The following ENPP2 variants were observed in gnomAD, a reference collection of about 807,000 sequenced individuals.
ENPP2 encodes the protein autotaxin.
In ENPP2, 51 loss-of-function variants were observed where a neutral mutation model predicts 120.2. That is an observed-to-expected ratio of 0.42 (90% CI 0.34 to 0.54). The LOEUF (loss-of-function observed/expected upper bound fraction) is 0.54, where lower values mean the gene tolerates loss of function less well. Ranked by LOEUF, ENPP2 falls within the 20% of genes least tolerant of loss-of-function variation. The pLI, the probability that ENPP2 is intolerant of heterozygous loss-of-function variation, is 0.04. For synonymous variants in ENPP2, 365 were observed against 366.4 expected, an observed-to-expected ratio of 1.00 and a Z score of 0.04; for missense variants, 920 against 1,066.5, an observed-to-expected ratio of 0.86 and a Z score of 1.91.
intron 1 of ENPP2, among the ~76,000 whole-genome samples, chr8:119,644,082 A>G (rs982408787): frequency 1.1e-4 from 17 of 152,104 alleles, no homozygotes; most frequent in African/African-American, 3.6e-4. Flanking sequence ...GGGGCCTCCG[A>G]GGTCATGTTA....
intron 18 of ENPP2, chr8:119,580,742 A>C (rs1812675467): frequency 6.5e-6 from 1 of 152,692 alleles, no homozygotes; most frequent in Admixed American, 6.5e-5. Flanking sequence ...AAATGGAAAA[A>C]AATTCTTATG....
intron 4 of ENPP2, 141 bp downstream of exon 4, chr8:119,621,253 G>T: frequency 1.5e-6 from 1 of 666,526 alleles, no homozygotes. Flanking sequence ...TAATGAAGAA[G>T]CATGAGAAAT....
chr8:119,642,852 G>T (rs1446622448), upstream of ENPP2, among the ~76,000 whole-genome samples: 1 of 152,162 alleles, frequency 6.6e-6, no homozygotes, highest in Non-Finnish European at 1.5e-5. Context: ...CCCTGATGAA[G>T]ATAAGAAGGC....
At chr8:119,590,912 G>A (rs1266963005) in intron 12 of ENPP2, among the ~76,000 whole-genome samples, 1 of 138,364 alleles carries the variant, frequency 7.2e-6, no homozygotes, top group Non-Finnish European at 1.5e-5. Flanking sequence ...AGAATAGCAA[G>A]ACAAAGGAAG....
intron 17 of ENPP2, 58 bp downstream of exon 17, chr8:119,583,659 A>T (rs1205452644): frequency 9.7e-6 from 9 of 928,174 alleles, no homozygotes; most frequent in Non-Finnish European, 1.5e-5. Context: ...ACATTGAGAA[A>T]GATCATATAT....
chr8:119,649,942 G>A (rs1404461247), intron 1 of ENPP2, among the ~76,000 whole-genome samples: 1 of 152,280 alleles, frequency 6.6e-6, no homozygotes, highest in Middle Eastern at 3.4e-3. Flanking sequence ...GTAAAATGAT[G>A]CAGTCACTTT....
intron 3 of ENPP2, among the ~76,000 whole-genome samples, chr8:119,626,042 G>GA (rs149710626): frequency 0.064 from 9,703 of 151,952 alleles, 410 homozygotes; most frequent in Middle Eastern, 0.15. Flanking sequence ...GGGAAAGCAA[G>GA]AAAAAAAATT....
intron 20 of ENPP2, among the ~76,000 whole-genome samples, chr8:119,569,602 T>C (rs910952141): frequency 1.3e-5 from 2 of 151,986 alleles, no homozygotes; most frequent in Non-Finnish European, 2.9e-5. Context: ...ATCAAAGTCT[T>C]AAGAAAAACA....
At position 119,569,287 on chromosome 8, in the gene ENPP2, A is replaced by G. The variant is rs1353029434; in HGVS notation, c.2001T>C (p.Cys667=). The G allele has an allele frequency of 2.5e-6, 4 of 1,614,042 alleles. No homozygotes were observed. The South Asian group carries it at 3.3e-5, about 13-fold the overall frequency. The change falls in exon 21 of 25, where the codon TGT becomes TGC. Residue 667 remains cysteine (C), a synonymous_variant. Coordinates refer to ENST00000075322, the MANE Select transcript of ENPP2 (RefSeq NM_001040092.3). ...TCTGCTTATCATTTTTGTAGGCCAA[A>G]CAGTTCTGACTGAAACTCGGAGAAA... The part of the protein sequence containing the change: ...VRVSPSFSQN[C]LAYKNDKQMS...
Position 119,601,450 on chromosome 8 carries a change from G to C in ENPP2, c.846C>G (p.His282Gln), listed in dbSNP as rs367992382. The change falls in exon 10 of 25, where the codon CAC becomes CAG. Residue 282 changes from histidine (H) to glutamine (Q), a missense_variant. Transcript: ENST00000075322. ...GTFFWSVVIPHERRILTILQW... is the reference protein window; with the variant it reads ...GTFFWSVVIPQERRILTILQW... ...GCAATATGGTTAATATTCTCCGCTC[G>C]TGAGGGATGACACTGGAGGGTAAAA... 3.1e-6 allele frequency: 5 copies of C among 1,612,610 alleles called. No homozygotes were observed. Among genetic ancestry groups the C allele is most frequent in the Non-Finnish European group, 4.2e-6 (5 of 1,178,836 alleles).
chr8:119,653,269 A>G (rs993640753), intron 1 of ENPP2, among the ~76,000 whole-genome samples: 15 of 152,210 alleles, frequency 9.9e-5, no homozygotes, highest in Admixed American at 5.2e-4. Flanking sequence ...GCAAACTTCT[A>G]TTGAGCACCT....
intron 1 of ENPP2, among the ~76,000 whole-genome samples, chr8:119,665,300 G>A (rs1818037433): frequency 6.6e-6 from 1 of 152,136 alleles, no homozygotes; most frequent in Non-Finnish European, 1.5e-5. Flanking sequence ...CCCAAAGCCT[G>A]CTTCTCCTCA....
intron 9 of ENPP2, among the ~76,000 whole-genome samples, chr8:119,605,948 C>T (rs1047156737): frequency 1.3e-5 from 2 of 151,970 alleles, no homozygotes; most frequent in South Asian, 2.1e-4. Context: ...GAGCATCAGC[C>T]GAAGATTATT....
At position 119,580,143 on chromosome 8, in the gene ENPP2, G is replaced by T. The variant is rs147145968; in HGVS notation, c.1753C>A (p.Arg585=). The T allele has an allele frequency of 6.2e-7, 1 of 1,613,152 alleles. No individual in the cohort carries two copies. The highest frequency in any genetic ancestry group is 8.5e-7 in the Non-Finnish European group (1 of 1,179,124). The change falls in exon 19 of 25, where the codon CGG becomes AGG. Residue 585 remains arginine, a synonymous_variant. Transcript: ENST00000075322. ...TCTGTAGACCCTTTTGTATGAAGCC[G>T]TTTGTTGAGTTCATCCAACTTGTTC... ...PKNKLDELNK[R]LHTKGSTEER... is the part of the protein sequence containing the mutation.
intron 1 of ENPP2, among the ~76,000 whole-genome samples, chr8:119,645,835 C>A (rs1246269428): frequency 6.6e-6 from 1 of 150,792 alleles, no homozygotes; most frequent in African/African-American, 2.4e-5. Context: ...AAAAAAAGGT[C>A]TTTTCATAAC....
At chr8:119,633,234 A>G (rs1816791113) in intron 2 of ENPP2, among the ~76,000 whole-genome samples, 1 of 152,168 alleles carries the variant, frequency 6.6e-6, no homozygotes, top group Admixed American at 6.5e-5. Flanking sequence ...AAAGATGCAA[A>G]TACTCAAATC....
chr8:119,572,381 A>G, intron 19 of ENPP2: 6 of 692,192 alleles, frequency 8.7e-6, no homozygotes, highest in Non-Finnish European at 1.5e-5. Context: ...TTAGGGGACA[A>G]TAAAATAGCA....
At chr8:119,621,339 A>C in intron 4 of ENPP2, 55 bp downstream of exon 4, 2 of 1,570,186 alleles carry the variant, frequency 1.3e-6, no homozygotes, top group Non-Finnish European at 1.7e-6. Flanking sequence ...GATCTCCTGG[A>C]GCACCTCCAG....
At chr8:119,579,330 G>A (rs1197821210) in intron 19 of ENPP2, among the ~76,000 whole-genome samples, 100 of 152,196 alleles carry the variant, frequency 6.6e-4, no homozygotes. Flanking sequence ...GCTCAGCTTT[G>A]GCCAGCAAAC....
Sources: gnomAD v4.1 joint callset for allele counts (sites outside exome capture counted in the v4.1 genomes callset) on GRCh38, gnomAD v4.1.1 for gene constraint, MANE v1.5 for transcripts, NCBI Gene and HGNC (gene_info 2026-07-23, HGNC 2026-07-21) for gene names.